Variants in TTC6 observed in about 807,000 individuals in gnomAD.
TTC6 encodes tetratricopeptide repeat protein 6.
Under a neutral mutation model 210.4 loss-of-function variants are expected in TTC6, and 172 were observed. That is an observed-to-expected ratio of 0.82 (90% CI 0.72 to 0.93). The LOEUF (loss-of-function observed/expected upper bound fraction) is 0.93, where lower values mean the gene tolerates loss of function less well. Ranked by LOEUF, TTC6 falls within the 40% of genes least tolerant of loss-of-function variation. TTC6 has a pLI of 0.00. For synonymous variants in TTC6, 804 were observed against 819.6 expected, an observed-to-expected ratio of 0.98 and a Z score of 0.32; for missense variants, 2,414 against 2,318.1, an observed-to-expected ratio of 1.04 and a Z score of -0.85.
intron 14 of TTC6, among the ~76,000 whole-genome samples, chr14:37,763,706 C>T (rs1034430200): frequency 2.0e-5 from 3 of 151,980 alleles, no homozygotes; most frequent in Non-Finnish European, 2.9e-5. Context: ...TCTTCTTAGT[C>T]GGTCTAGCTA....
intron 14 of TTC6, among the ~76,000 whole-genome samples, chr14:37,768,805 C>T (rs1455722837): frequency 3.3e-5 from 5 of 152,016 alleles, no homozygotes; most frequent in Admixed American, 6.6e-5. Flanking sequence ...CCTTCTCCTG[C>T]CTGATTGCCC....
chr14:37,781,739 C>T (rs1416850317), intron 14 of TTC6, among the ~76,000 whole-genome samples: 1 of 151,996 alleles, frequency 6.6e-6, no homozygotes, highest in African/African-American at 2.4e-5. Context: ...AGGTTTTCTT[C>T]TAGGATTTTT....
At chr14:37,694,544 T>C (rs935421123) in intron 3 of TTC6, among the ~76,000 whole-genome samples, 1 of 152,072 alleles carries the variant, frequency 6.6e-6, no homozygotes, top group Admixed American at 6.5e-5. Flanking sequence ...AAAATAGAAC[T>C]ACCATATGAT....
At chr14:37,692,364 C>T (rs1474479885) in intron 3 of TTC6, among the ~76,000 whole-genome samples, 2 of 151,484 alleles carry the variant, frequency 1.3e-5, no homozygotes, top group Non-Finnish European at 2.9e-5. Flanking sequence ...GGGATAAATC[C>T]CACTTTGGGA....
rs541656123 is a variant in TTC6, at chr14:37,752,992, C to T, written c.3130-107C>T. ...AATTTTGACATCTTCAGATGGTTTG[C>T]TTTTATTAACCCGAAGTTAAAAACA... On this transcript the variant is annotated intron_variant, in intron 13 of 30. Transcript: ENST00000553443. The T allele has an allele frequency of 8.3e-5, 71 of 858,338 alleles. No homozygotes were observed. The African/African-American group carries it at 1.1e-3, about 13-fold the overall frequency. 53.2% of individuals were successfully genotyped at this position (858,338 alleles called of 1,614,324 possible). A position where few individuals can be genotyped will look rare whatever the true frequency, so the allele number is the denominator to read the frequency against.
intron 1 of TTC6, 143 bp downstream of exon 3, chr14:37,623,146 A>G (rs2095654689): frequency 1.7e-6 from 1 of 593,142 alleles, no homozygotes. Flanking sequence ...GTGTTATTCA[A>G]CTTCTTTGCA....
intron 26 of TTC6, among the ~76,000 whole-genome samples, chr14:37,818,815 T>C (rs953742913): frequency 3.9e-5 from 6 of 152,160 alleles, no homozygotes; most frequent in Admixed American, 3.3e-4. Context: ...ATCTATCTCT[T>C]TAAGTAATTG....
chr14:37,783,544 G>C (rs571590846), intron 14 of TTC6, among the ~76,000 whole-genome samples: 7 of 151,932 alleles, frequency 4.6e-5, no homozygotes, highest in African/African-American at 1.7e-4. Context: ...AGTCTTGCTA[G>C]TGGTCTATCA....
intron 14 of TTC6, among the ~76,000 whole-genome samples, chr14:37,778,821 A>ACATGGGAGGGCACT (rs1420069294): frequency 6.6e-6 from 1 of 152,110 alleles, no homozygotes; most frequent in Non-Finnish European, 1.5e-5. Context: ...AGGCCAGCAG[A>ACATGGGAGGGCACT]CATGGGAGGG....
exon 1 of TTC6, chr14:37,622,298 G>T (rs1461071731): frequency 1.4e-5 from 21 of 1,534,738 alleles, no homozygotes. Context: ...GATACCCTTC[G>T]CTTAAAGGCC....
intron 25 of TTC6, among the ~76,000 whole-genome samples, chr14:37,816,251 G>A (rs1352770632): frequency 6.6e-6 from 1 of 152,146 alleles, no homozygotes; most frequent in Admixed American, 6.5e-5. Flanking sequence ...ATCTCTGAGT[G>A]CTCAGATTAA....
chr14:37,702,832 A>T (rs2138689529), intron 5 of TTC6, among the ~76,000 whole-genome samples: 1 of 152,266 alleles, frequency 6.6e-6, no homozygotes, highest in South Asian at 2.1e-4. Flanking sequence ...TTTCCCAGTG[A>T]TTAGCAATCA....
At chr14:37,673,958 G>A (rs2095763616) in intron 1 of TTC6, among the ~76,000 whole-genome samples, 5 of 152,166 alleles carry the variant, frequency 3.3e-5, no homozygotes, top group Admixed American at 3.3e-4. Context: ...TGTGGAGAAT[G>A]TAGAAATTAA....
At chr14:37,799,334 T>A (rs1160723477) in intron 20 of TTC6, among the ~76,000 whole-genome samples, 1 of 152,130 alleles carries the variant, frequency 6.6e-6, no homozygotes, top group Non-Finnish European at 1.5e-5. Flanking sequence ...ATTATTGGCT[T>A]TTTTCTCTTT....
intron 4 of TTC6, among the ~76,000 whole-genome samples, chr14:37,699,874 G>A (rs777673940): frequency 3.2e-4 from 48 of 152,270 alleles, no homozygotes; most frequent in Admixed American, 3.3e-4. Flanking sequence ...AAACACTAAA[G>A]ATGATTTTTC....
intron 14 of TTC6, among the ~76,000 whole-genome samples, chr14:37,781,830 C>T (rs553856727): frequency 1.3e-5 from 2 of 152,288 alleles, no homozygotes; most frequent in East Asian, 3.9e-4. Context: ...GATCCAGTTT[C>T]AGCTTTCTAC....
chr14:37,744,205 T>G (rs2095929213), intron 10 of TTC6, among the ~76,000 whole-genome samples: 1 of 152,182 alleles, frequency 6.6e-6, no homozygotes, highest in Non-Finnish European at 1.5e-5. Context: ...ATACATTTAT[T>G]GAGCACTACT....
At chr14:37,663,020 G>A (rs2095740532) in intron 1 of TTC6, among the ~76,000 whole-genome samples, 1 of 151,970 alleles carries the variant, frequency 6.6e-6, no homozygotes, top group Admixed American at 6.6e-5. Flanking sequence ...TTTTATCCAT[G>A]AGCATGGAAT....
At chr14:37,773,481 C>T (rs1230497773) in intron 14 of TTC6, among the ~76,000 whole-genome samples, 1 of 152,148 alleles carries the variant, frequency 6.6e-6, no homozygotes, top group African/African-American at 2.4e-5. Flanking sequence ...ATATGGCTAG[C>T]CAGTCATCCC....
Sources: allele counts gnomAD v4.1 joint callset (sites outside exome capture counted in the v4.1 genomes callset), GRCh38; gene constraint gnomAD v4.1.1; transcripts MANE v1.5; gene names NCBI Gene and HGNC (gene_info 2026-07-23, HGNC 2026-07-21).